The following ARHGAP22 variants were observed in gnomAD, a reference collection of about 807,000 sequenced individuals.
The protein encoded by ARHGAP22 is Rho GTPase activating protein 22, also known as rho GTPase-activating protein 22.
A neutral mutation model predicts 59.1 loss-of-function variants in ARHGAP22; 48 were observed. The observed-to-expected ratio is 0.81, with a 90% confidence interval of 0.64 to 1.03. The LOEUF (loss-of-function observed/expected upper bound fraction) is 1.03, where lower values mean the gene tolerates loss of function less well. ARHGAP22 is among the 50% of genes least tolerant of loss of function. The probability of loss-of-function intolerance (pLI) is 0.00; values close to 1 mark genes in which losing one functional copy is unlikely to be tolerated. For missense variants in ARHGAP22, 1,015 were observed against 958.7 expected (o/e 1.06, Z -0.78); for synonymous variants, 445 against 416.4 (o/e 1.07, Z -0.84).
chr10:48,631,442 C>T (rs554614540), intron 1 of ARHGAP22, among the ~76,000 whole-genome samples: 8 of 152,268 alleles, frequency 5.3e-5, no homozygotes, highest in Admixed American at 2.0e-4. Flanking sequence ...CTAGTGCTTA[C>T]TTTGTTGGAA....
At chr10:48,648,119 T>C (rs1008713461) in intron 1 of ARHGAP22, among the ~76,000 whole-genome samples, 6 of 152,194 alleles carry the variant, frequency 3.9e-5, no homozygotes, top group Admixed American at 3.9e-4. Context: ...TGATGATGGT[T>C]TTACAACTCC....
rs185724757 is a variant in ARHGAP22 at position 48,582,235 on chromosome 10, G to A, written c.234+718C>T. ...GACCCATGACTAGAAGCAGCTTTTCGGACAAGTCCTTTAAGGTCCCTTCCT... is the reference window on the plus strand; with the variant it reads ...GACCCATGACTAGAAGCAGCTTTTCAGACAAGTCCTTTAAGGTCCCTTCCT... On this transcript the variant is annotated intron_variant, in intron 2 of 9. Transcript: ENST00000249601. 6.8e-4 allele frequency among the ~76,000 whole-genome samples: 103 copies of A among 152,244 alleles called. 1 individual carries two copies. Among genetic ancestry groups the A allele is most frequent in the African/African-American group, 1.9e-3 (80 of 41,530 alleles).
intron 3 of ARHGAP22, chr10:48,524,208 C>A: frequency 1.3e-6 from 1 of 795,504 alleles, no homozygotes; most frequent in Non-Finnish European, 1.5e-6. Context: ...CCCAGCTGGG[C>A]GCAGGGTGCG....
intron 3 of ARHGAP22, among the ~76,000 whole-genome samples, chr10:48,501,475 T>C (rs558539310): frequency 1.3e-5 from 2 of 152,356 alleles, no homozygotes; most frequent in Admixed American, 1.3e-4. Context: ...AGGGAGGGGT[T>C]GCAGCTGAAG....
upstream of ARHGAP22, among the ~76,000 whole-genome samples, chr10:48,653,531 A>G (rs1167314308): frequency 6.6e-6 from 1 of 152,210 alleles, no homozygotes; most frequent in Non-Finnish European, 1.5e-5. Flanking sequence ...AACGGGGCCA[A>G]ACTGAGCCTC....
At chr10:48,471,512 C>G (rs2133963845) in intron 4 of ARHGAP22, among the ~76,000 whole-genome samples, 1 of 152,306 alleles carries the variant, frequency 6.6e-6, no homozygotes, top group East Asian at 1.9e-4. Flanking sequence ...GGTTTAATGA[C>G]TCATAGACAC....
intron 3 of ARHGAP22, among the ~76,000 whole-genome samples, chr10:48,498,746 C>T (rs1206066229): frequency 6.6e-6 from 1 of 152,084 alleles, no homozygotes; most frequent in Non-Finnish European, 1.5e-5. Flanking sequence ...CAATCCAATA[C>T]CAGAAGCAAC....
At chr10:48,558,492 G>A (rs1047760912) in intron 2 of ARHGAP22, among the ~76,000 whole-genome samples, 2 of 151,624 alleles carry the variant, frequency 1.3e-5, no homozygotes, top group Non-Finnish European at 2.9e-5. Context: ...CCTCTATTTG[G>A]GACCATAGGT....
intron 3 of ARHGAP22, among the ~76,000 whole-genome samples, chr10:48,480,985 CGTG>C (rs1413605132): frequency 1.3e-5 from 2 of 152,198 alleles, no homozygotes; most frequent in Non-Finnish European, 2.9e-5. Flanking sequence ...ACAGCGGGCC[CGTG>C]GGGAGGCAGG....
chr10:48,576,258 C>T (rs1198179945), intron 2 of ARHGAP22, among the ~76,000 whole-genome samples: 3 of 152,192 alleles, frequency 2.0e-5, no homozygotes, highest in South Asian at 2.1e-4. Context: ...TCCAATATGC[C>T]AGGGCCTCTT....
At chr10:48,431,834 G>C in the ARHGAP22 span, among the ~76,000 whole-genome samples, 1 of 152,116 alleles carries the variant, frequency 6.6e-6, no homozygotes, top group Non-Finnish European at 1.5e-5. Flanking sequence ...AGAATAGAGG[G>C]GAAAAGTTAA....
chr10:48,510,667 G>A (rs1319584059), intron 3 of ARHGAP22: 1 of 152,208 alleles, frequency 6.6e-6, no homozygotes, highest in East Asian at 1.9e-4. Flanking sequence ...GCTATTAGTG[G>A]CCTTGCACAG....
At chr10:48,494,579 C>G (rs2050736432) in intron 3 of ARHGAP22, among the ~76,000 whole-genome samples, 1 of 152,232 alleles carries the variant, frequency 6.6e-6, no homozygotes, top group South Asian at 2.1e-4. Context: ...ATCTATCCAT[C>G]TGCTCATTTG....
At chr10:48,641,734 G>T (rs953591885) in intron 1 of ARHGAP22, among the ~76,000 whole-genome samples, 2 of 152,206 alleles carry the variant, frequency 1.3e-5, no homozygotes, top group African/African-American at 2.4e-5. Context: ...AGTGTTGGAA[G>T]TTCTGGTCAG....
chr10:48,476,733 G>A (rs543351566), intron 4 of ARHGAP22, among the ~76,000 whole-genome samples: 1 of 152,352 alleles, frequency 6.6e-6, no homozygotes, highest in South Asian at 2.1e-4. Flanking sequence ...TCAGTCTAGG[G>A]TCTATGTGGG....
intron 1 of ARHGAP22, among the ~76,000 whole-genome samples, chr10:48,621,009 C>T (rs1328569854): frequency 1.3e-5 from 2 of 152,230 alleles, no homozygotes; most frequent in African/African-American, 2.4e-5. Context: ...AGGTGAAGAG[C>T]AGGATGTGCA....
intron 3 of ARHGAP22, among the ~76,000 whole-genome samples, chr10:48,552,382 C>A (rs141831353): frequency 2.6e-5 from 4 of 152,266 alleles, no homozygotes; most frequent in Admixed American, 6.5e-5. Flanking sequence ...CTCCTTCCTG[C>A]GCCTGTTAGT....
intron 9 of ARHGAP22, among the ~76,000 whole-genome samples, chr10:48,447,095 A>C (rs556070153): frequency 1.3e-5 from 2 of 152,140 alleles, no homozygotes; most frequent in Admixed American, 6.5e-5. Context: ...TGGGGTAGTC[A>C]CTTCCCTTCC....
chr10:48,447,531 G>A (rs1442643160), intron 9 of ARHGAP22, among the ~76,000 whole-genome samples: 1 of 152,142 alleles, frequency 6.6e-6, no homozygotes, highest in Non-Finnish European at 1.5e-5. Context: ...CCAAAACGAA[G>A]CCTCCATCCT....
Sources: gnomAD v4.1 joint callset for allele counts (sites outside exome capture counted in the v4.1 genomes callset) on GRCh38, gnomAD v4.1.1 for gene constraint, MANE v1.5 for transcripts, NCBI Gene and HGNC (gene_info 2026-07-23, HGNC 2026-07-21) for gene names.